Variants in EGFR observed in about 807,000 individuals in gnomAD.
EGFR encodes the protein avian erythroblastic leukemia viral (v-erb-b) oncogene homolog.
In EGFR, 58 loss-of-function variants were observed where a neutral mutation model predicts 143.0. The observed-to-expected ratio is 0.41, with a 90% CI of 0.33 to 0.50. The LOEUF (loss-of-function observed/expected upper bound fraction) is 0.50. Among genes scored for constraint, EGFR ranks in the 20% least tolerant of loss-of-function variants. The pLI is 0.39. For synonymous variants in EGFR, 613 were observed against 594.4 expected, an observed-to-expected ratio of 1.03 and a Z score of -0.45; for missense variants, 1,307 against 1,579.0, an observed-to-expected ratio of 0.83 and a Z score of 2.92.
chr7:55,157,596 G>A (rs904682119), intron 10 of EGFR, 67 bp from the exon 11 acceptor site: 10 of 1,301,400 alleles, frequency 7.7e-6, no homozygotes, highest in Admixed American at 1.7e-5. Flanking sequence ...AGAGTCTAGA[G>A]TAATGTCTCA....
At position 55,173,914 on chromosome 7, in the gene EGFR, C is replaced by A. The variant is rs184220351; in HGVS notation, c.2062-7C>A. 1.2e-6 allele frequency: 2 copies of A among 1,614,216 alleles called. No homozygotes were observed. Among genetic ancestry groups the A allele is most frequent in the Non-Finnish European group, 1.7e-6 (2 of 1,180,024 alleles). On this transcript the variant is annotated splice_region_variant and splice_polypyrimidine_tract_variant and intron_variant, in intron 17 of 27. Coordinates refer to ENST00000275493, the MANE Select transcript of EGFR (RefSeq NM_005228.5). ...GACCCTTGTCTCTGTGTTCTTGTCCCCCCCAGCTTGTGGAGCCTCTTACAC... is the reference window on the plus strand; with the variant it reads ...GACCCTTGTCTCTGTGTTCTTGTCCACCCCAGCTTGTGGAGCCTCTTACAC...
intron 15 of EGFR, among the ~76,000 whole-genome samples, chr7:55,167,616 ATGG>A (rs1321238208): frequency 7.1e-6 from 1 of 140,470 alleles, no homozygotes; most frequent in Non-Finnish European, 1.5e-5. Context: ...GATGGTGGTG[ATGG>A]TGGTGAGGAG....
chr7:55,124,721 C>A (rs1237938570), intron 1 of EGFR, among the ~76,000 whole-genome samples: 1 of 152,206 alleles, frequency 6.6e-6, no homozygotes, highest in Non-Finnish European at 1.5e-5. Context: ...AGACCAGACA[C>A]TATCTCAGGC....
At chr7:55,179,093 G>A (rs1189099036) in intron 19 of EGFR, among the ~76,000 whole-genome samples, 4 of 152,236 alleles carry the variant, frequency 2.6e-5, no homozygotes, top group African/African-American at 4.8e-5. Context: ...CGGGTGATCC[G>A]ACACTGCAGA....
intron 4 of EGFR, among the ~76,000 whole-genome samples, chr7:55,149,256 C>G (rs1455801098): frequency 6.6e-6 from 1 of 152,054 alleles, no homozygotes; most frequent in Non-Finnish European, 1.5e-5. Flanking sequence ...TGCTATATCA[C>G]TCTGTGAAGT....
intron 1 of EGFR, among the ~76,000 whole-genome samples, chr7:55,124,037 T>C (rs143428683): frequency 1.3e-5 from 2 of 152,358 alleles, no homozygotes; most frequent in African/African-American, 4.8e-5. Flanking sequence ...TGTATGTGTG[T>C]GTATTAATGT....
At chr7:55,183,446 C>T (rs766817211) in intron 20 of EGFR, among the ~76,000 whole-genome samples, 3 of 152,180 alleles carry the variant, frequency 2.0e-5, no homozygotes, top group Non-Finnish European at 4.4e-5. Flanking sequence ...AGACTTTTAA[C>T]TAGATTTGCA....
At position 55,194,562 on chromosome 7, in the gene EGFR, A is replaced by C. The variant is rs183757749; in HGVS notation, c.2701+1721A>C. On this transcript the variant is annotated intron_variant, in intron 22 of 27. Coordinates refer to ENST00000275493, the MANE Select transcript of EGFR (RefSeq NM_005228.5). ...TTTCTTTGGTCCTCCAGGTATGTTC[A>C]GATAAAACCTGAGCACCTGGCCATG... 4.5e-3 allele frequency among the ~76,000 whole-genome samples: 688 copies of C among 152,268 alleles called. 12 individuals carry two copies. The highest frequency in any genetic ancestry group is 6.6e-3 in the East Asian group (34 of 5,168).
At chr7:55,069,093 T>G (rs564527645) in intron 1 of EGFR, among the ~76,000 whole-genome samples, 2 of 152,346 alleles carry the variant, frequency 1.3e-5, no homozygotes, top group African/African-American at 4.8e-5. Flanking sequence ...CCAGACTGAT[T>G]ACAGAGATGA....
chr7:55,076,429 G>A (rs1790134241), intron 1 of EGFR, among the ~76,000 whole-genome samples: 1 of 152,128 alleles, frequency 6.6e-6, no homozygotes. Context: ...ATCCTGATAA[G>A]CACTGTTAGG....
rs150232837 is a variant in EGFR, at chr7:55,149,026, T to A, written c.560-2268T>A. ...GAAAATTAAATCCATCACCCACTCCTTGTACTATGAATTCCAAATACATAT... is the reference window on the plus strand; with the variant it reads ...GAAAATTAAATCCATCACCCACTCCATGTACTATGAATTCCAAATACATAT... On this transcript the variant is annotated intron_variant, in intron 4 of 27. Coordinates refer to ENST00000275493, the MANE Select transcript of EGFR (RefSeq NM_005228.5). Among the ~76,000 whole-genome samples the A allele has an allele frequency of 3.8e-3, 573 of 152,306 alleles. 4 individuals carry two copies. The highest frequency in any genetic ancestry group is 0.011 in the African/African-American group (437 of 41,584).
intron 20 of EGFR, among the ~76,000 whole-genome samples, chr7:55,182,896 T>A (rs1786956172): frequency 6.6e-6 from 1 of 152,192 alleles, no homozygotes; most frequent in South Asian, 2.1e-4. Context: ...CCAGGGCCTC[T>A]TTTTATTGGG....
intron 1 of EGFR, among the ~76,000 whole-genome samples, chr7:55,094,349 G>A (rs1791310140): frequency 6.6e-6 from 1 of 152,228 alleles, no homozygotes. Flanking sequence ...GCTGTGGGCT[G>A]CCAGGTCGGG....
chr7:55,059,969 G>T (rs1387894265), intron 1 of EGFR, among the ~76,000 whole-genome samples: 1 of 152,192 alleles, frequency 6.6e-6, no homozygotes, highest in Non-Finnish European at 1.5e-5. Flanking sequence ...GACCTCGGAA[G>T]AACTGAAGGC....
At chr7:55,173,799 G>A (rs541847764) in intron 17 of EGFR, 122 bp from the exon 18 acceptor site, 63 of 1,499,976 alleles carry the variant, frequency 4.2e-5, no homozygotes, top group East Asian at 6.8e-5. Flanking sequence ...GGCAAGTGCC[G>A]TGTCCTGGCA....
intron 1 of EGFR, among the ~76,000 whole-genome samples, chr7:55,137,128 T>C (rs1355216990): frequency 6.6e-6 from 1 of 152,130 alleles, no homozygotes; most frequent in Non-Finnish European, 1.5e-5. Context: ...TAAGCTAATG[T>C]AGTTGCAGAA....
intron 1 of EGFR, among the ~76,000 whole-genome samples, chr7:55,093,466 C>A: frequency 6.6e-6 from 1 of 152,184 alleles, no homozygotes; most frequent in Non-Finnish European, 1.5e-5. Context: ...ACTGTGTGAG[C>A]GAATTCATGC....
intron 1 of EGFR, among the ~76,000 whole-genome samples, chr7:55,121,999 A>G (rs922860975): frequency 1.3e-5 from 2 of 152,146 alleles, no homozygotes; most frequent in Non-Finnish European, 1.5e-5. Flanking sequence ...TCACTATCCA[A>G]AAAGACTTGG....
At chr7:55,170,871 G>A (rs1213929937) in intron 15 of EGFR, 1 of 1,411,278 alleles carries the variant, frequency 7.1e-7, no homozygotes, top group Non-Finnish European at 9.2e-7. Flanking sequence ...GCCAGCTGTG[G>A]GACAATTATC....
Sources: allele counts gnomAD v4.1 joint callset (sites outside exome capture counted in the v4.1 genomes callset), GRCh38; gene constraint gnomAD v4.1.1; transcripts MANE v1.5; gene names NCBI Gene and HGNC (gene_info 2026-07-23, HGNC 2026-07-21).